The following TSHZ3 variants were observed in gnomAD, a reference collection of about 807,000 sequenced individuals.
The protein encoded by TSHZ3 is teashirt zinc finger homeobox 3.
A neutral mutation model predicts 64.5 loss-of-function variants in TSHZ3; 10 were observed. That is an observed-to-expected ratio of 0.16 (90% confidence interval 0.10 to 0.26). The LOEUF (loss-of-function observed/expected upper bound fraction) is 0.26. Among genes scored for constraint, TSHZ3 ranks in the 10% least tolerant of loss-of-function variants. TSHZ3 has a pLI of 1.00. For synonymous variants in TSHZ3, 608 were observed against 593.1 expected, an observed-to-expected ratio of 1.03 and a Z score of -0.36; for missense variants, 1,242 against 1,421.7, an observed-to-expected ratio of 0.87 and a Z score of 2.03.
At chr19:31,285,781 CAAAAAAAAAAAAA>C (rs3030263) in intron 1 of TSHZ3, among the ~76,000 whole-genome samples, 2 of 44,986 alleles carry the variant, frequency 4.4e-5, no homozygotes, top group Non-Finnish European at 7.7e-5. Flanking sequence ...GCCACTGTCT[CAAAAAAAAAAAAA>C]AAAAAAAAAA....
chr19:31,285,130 G>A (rs1195852058), intron 1 of TSHZ3, among the ~76,000 whole-genome samples: 2 of 152,132 alleles, frequency 1.3e-5, no homozygotes, highest in Non-Finnish European at 2.9e-5. Flanking sequence ...CCCAGTCGGT[G>A]GTCTCCTTGC....
intron 4 of TSHZ3, among the ~76,000 whole-genome samples, chr19:31,217,545 G>A (rs998300243): frequency 6.6e-6 from 1 of 152,136 alleles, no homozygotes; most frequent in Non-Finnish European, 1.5e-5. Context: ...AAGGTACAGA[G>A]ATTTCCCATG....
intron 1 of TSHZ3, among the ~76,000 whole-genome samples, chr19:31,269,424 G>A (rs929329369): frequency 7.9e-5 from 12 of 151,618 alleles, no homozygotes; most frequent in African/African-American, 2.7e-4. Flanking sequence ...ACTCCTTCCC[G>A]ACAGACACAC....
intron 5 of TSHZ3, chr19:31,195,822 T>C (rs1974982201): frequency 6.6e-6 from 1 of 152,038 alleles, no homozygotes; most frequent in Non-Finnish European, 1.5e-5. Flanking sequence ...AATATAGTCA[T>C]GTGTATACAG....
chr19:31,160,150 C>G lies in TSHZ3; in HGVS notation n.810-3733G>C, dbSNP rs189443018. On this transcript the variant is annotated intron_variant and non_coding_transcript_variant, in intron 5 of 6. Coordinates refer to the TSHZ3 transcript ENST00000651361. ...TAACCCCGAGACAGGTACTGTTGTT[C>G]TTTATGTATTGCAAGTAAAGTTGCT... is the stretch of plus-strand genomic sequence containing the variant. Among the ~76,000 whole-genome samples the G allele has an allele frequency of 2.6e-5, 4 of 152,164 alleles. No homozygotes were observed. The East Asian group carries it at 7.7e-4, about 29-fold the overall frequency.
intron 1 of TSHZ3, among the ~76,000 whole-genome samples, chr19:31,307,529 C>T (rs1274030103): frequency 5.3e-5 from 8 of 152,188 alleles, no homozygotes; most frequent in Non-Finnish European, 1.5e-5. Flanking sequence ...TAGGACCCCA[C>T]AAATAAAACC....
intron 1 of TSHZ3, among the ~76,000 whole-genome samples, chr19:31,293,757 T>C (rs1976615700): frequency 6.6e-6 from 1 of 152,212 alleles, no homozygotes; most frequent in South Asian, 2.1e-4. Flanking sequence ...AAATTCTCTT[T>C]CCATATACAC....
At chr19:31,325,468 G>A (rs1194359932) in intron 1 of TSHZ3, among the ~76,000 whole-genome samples, 1 of 152,146 alleles carries the variant, frequency 6.6e-6, no homozygotes, top group African/African-American at 2.4e-5. Context: ...TTGATGCATG[G>A]AGGCTTCTGG....
intron 4 of TSHZ3, among the ~76,000 whole-genome samples, chr19:31,219,300 G>A (rs1431025940): frequency 1.3e-5 from 2 of 152,150 alleles, no homozygotes; most frequent in Non-Finnish European, 2.9e-5. Flanking sequence ...CTGTATCAGA[G>A]AATGACTCAG....
intron 5 of TSHZ3, among the ~76,000 whole-genome samples, chr19:31,196,104 T>A (rs1974989291): frequency 6.6e-6 from 1 of 151,980 alleles, no homozygotes; most frequent in Non-Finnish European, 1.5e-5. Flanking sequence ...TGTATACATG[T>A]ATATATTTAT....
At position 31,276,459 on chromosome 19, in the gene TSHZ3, C is replaced by A; in HGVS notation, c.*88G>T. Reference sequence around the variant, plus strand: ...TCTGCAGTTAAAATAAGAACATGTGCCAAGAACAACAAGTCAGAGGGGGCC... The same window carrying A: ...TCTGCAGTTAAAATAAGAACATGTGACAAGAACAACAAGTCAGAGGGGGCC... On this transcript the variant is annotated 3_prime_UTR_variant, in exon 2 of 2. Coordinates refer to ENST00000240587, the MANE Select transcript of TSHZ3 (RefSeq NM_020856.4). 1 of 1,274,588 alleles carries A rather than the reference C, an allele frequency of 7.8e-7. No homozygotes were observed. The highest frequency in any genetic ancestry group is 1.1e-6 in the Non-Finnish European group (1 of 917,006). 79.0% of individuals were successfully genotyped at this position (1,274,588 alleles called of 1,614,324 possible). A position where few individuals can be genotyped will look rare whatever the true frequency, so the allele number is the denominator to read the frequency against.
At chr19:31,341,261 G>A (rs1917423942) in intron 1 of TSHZ3, among the ~76,000 whole-genome samples, 1 of 152,190 alleles carries the variant, frequency 6.6e-6, no homozygotes, top group African/African-American at 2.4e-5. Flanking sequence ...AAGATGCATT[G>A]GCAAAGAGTA....
In TSHZ3 at chr19:31,349,280, A is replaced by C; in HGVS notation, c.-61T>G. ...CGCCGCTGCCGGGCTGAGGACAGGG[A>C]GGGAGGGGGCGGCGGGCCCGCGGGG... On this transcript the variant is annotated 5_prime_UTR_variant, in exon 1 of 2. Transcript: ENST00000240587. The C allele has an allele frequency of 7.5e-7, 1 of 1,328,022 alleles. No homozygotes were observed. The highest frequency in any genetic ancestry group is 9.6e-7 in the Non-Finnish European group (1 of 1,046,084). 82.3% of individuals were successfully genotyped at this position (1,328,022 alleles called of 1,614,324 possible). A position where few individuals can be genotyped will look rare whatever the true frequency, so the allele number is the denominator to read the frequency against.
At chr19:31,292,749 TCC>T (rs1976590284) in intron 1 of TSHZ3, among the ~76,000 whole-genome samples, 1 of 148,594 alleles carries the variant, frequency 6.7e-6, no homozygotes, top group African/African-American at 2.5e-5. Context: ...CATCCATCCA[TCC>T]ATCCATCCAT....
intron 3 of TSHZ3, among the ~76,000 whole-genome samples, chr19:31,228,361 A>G (rs1326472158): frequency 6.6e-6 from 1 of 151,928 alleles, no homozygotes; most frequent in Non-Finnish European, 1.5e-5. Context: ...CCCTATGTCT[A>G]CAAAAATTAC....
chr19:31,189,364 A>C (rs1974865831), intron 5 of TSHZ3, among the ~76,000 whole-genome samples: 1 of 151,908 alleles, frequency 6.6e-6, no homozygotes, highest in South Asian at 2.1e-4. Flanking sequence ...TTCTAATATA[A>C]ACTTTTAAGG....
At chr19:31,267,060 C>T (rs778859253) in intron 1 of TSHZ3, among the ~76,000 whole-genome samples, 8 of 152,326 alleles carry the variant, frequency 5.3e-5, no homozygotes, top group South Asian at 2.1e-4. Flanking sequence ...TCATTCACTG[C>T]GTGTTGTCAT....
intron 1 of TSHZ3, among the ~76,000 whole-genome samples, chr19:31,342,371 C>T (rs559863881): frequency 6.1e-4 from 93 of 152,254 alleles, no homozygotes; most frequent in African/African-American, 2.1e-3. Flanking sequence ...CTTAATAGTA[C>T]GTTGGTGATA....
intron 4 of TSHZ3, among the ~76,000 whole-genome samples, chr19:31,212,423 ACT>A (rs1975269558): frequency 1.3e-5 from 2 of 152,244 alleles, no homozygotes; most frequent in South Asian, 4.2e-4. Context: ...ACACCACTGC[ACT>A]CCAGCCTGGG....
Sources: allele counts gnomAD v4.1 joint callset (sites outside exome capture counted in the v4.1 genomes callset), GRCh38; gene constraint gnomAD v4.1.1; transcripts MANE v1.5; gene names NCBI Gene and HGNC (gene_info 2026-07-23, HGNC 2026-07-21).